Variants in ITPKB observed in about 807,000 individuals in gnomAD.
ITPKB encodes the protein inositol-trisphosphate 3-kinase B, also known as IP3 3-kinase B.
A neutral mutation model predicts 69.4 loss-of-function variants in ITPKB; 13 were observed. That is an observed-to-expected ratio of 0.19 (90% CI 0.12 to 0.30). ITPKB has a LOEUF of 0.30. Ranked by LOEUF, ITPKB falls within the 10% of genes least tolerant of loss-of-function variation. The probability of loss-of-function intolerance (pLI) is 1.00; values close to 1 mark genes in which losing one functional copy is unlikely to be tolerated. For synonymous variants in ITPKB, 584 were observed against 513.7 expected (o/e 1.14, Z -1.85); for missense variants, 1,240 against 1,250.5 (o/e 0.99, Z 0.13).
intron 2 of ITPKB, among the ~76,000 whole-genome samples, chr1:226,679,162 T>TA (rs143101900): frequency 0.036 from 5,471 of 152,316 alleles, 332 homozygotes; most frequent in African/African-American, 0.13. Flanking sequence ...TGACAGCGTC[T>TA]ATTCAGAATT....
intron 2 of ITPKB, among the ~76,000 whole-genome samples, chr1:226,667,029 T>G (rs1218791184): frequency 6.6e-6 from 1 of 152,214 alleles, no homozygotes; most frequent in Non-Finnish European, 1.5e-5. Flanking sequence ...ACCCTTCCCC[T>G]AACCTACCGA....
intron 2 of ITPKB, among the ~76,000 whole-genome samples, chr1:226,724,728 G>A (rs150579851): frequency 1.3e-5 from 2 of 152,274 alleles, no homozygotes; most frequent in East Asian, 1.9e-4. Flanking sequence ...ACTCTATAAC[G>A]TGTACTAAGC....
At chr1:226,671,697 C>T (rs1669621424) in intron 2 of ITPKB, among the ~76,000 whole-genome samples, 1 of 152,090 alleles carries the variant, frequency 6.6e-6, no homozygotes, top group Non-Finnish European at 1.5e-5. Flanking sequence ...GCTTAGTTGG[C>T]CATGGTCTTT....
chr1:226,720,339 A>C (rs1162203982), intron 2 of ITPKB, among the ~76,000 whole-genome samples: 1 of 152,154 alleles, frequency 6.6e-6, no homozygotes, highest in Non-Finnish European at 1.5e-5. Context: ...CATTCAGTTC[A>C]GTTAGTCCCC....
At position 226,631,700 on chromosome 1, in the gene ITPKB, G is replaced by A. The variant is rs1185067459; in HGVS notation, c.*2971C>T. The A allele has an allele frequency of 6.5e-5, 10 of 152,716 alleles. No individual in the cohort carries two copies. Among genetic ancestry groups the A allele is most frequent in the Admixed American group, 6.5e-4 (10 of 15,280 alleles). 9.5% of individuals were successfully genotyped at this position (152,716 alleles called of 1,614,324 possible). ...CACCACAGACAGCGCTGGTCTCCAA[G>A]GCTTTATTCAGGAAGGTTTGCATCT... On this transcript the variant is annotated 3_prime_UTR_variant, in exon 8 of 8. Coordinates refer to ENST00000429204, the MANE Select transcript of ITPKB (RefSeq NM_002221.4).
chr1:226,689,788 A>G lies in ITPKB; in HGVS notation c.1933-41017T>C, dbSNP rs1041184079. The stretch of plus-strand genomic sequence containing the variant: ...CTCCTCCTACCCTCTACCCTTCAAA[A>G]GGCCCCAGTATCTGTTGTTCCCCTC... On this transcript the variant is annotated intron_variant, in intron 2 of 7. Transcript: ENST00000429204. Among the ~76,000 whole-genome samples, 9 of 152,064 alleles carry G rather than the reference A, an allele frequency of 5.9e-5. No homozygotes were observed. The South Asian group carries it at 8.3e-4, about 14-fold the overall frequency.
intron 2 of ITPKB, among the ~76,000 whole-genome samples, chr1:226,693,804 T>G (rs1054845505): frequency 6.6e-6 from 1 of 152,188 alleles, no homozygotes; most frequent in Non-Finnish European, 1.5e-5. Context: ...TATTCCCCTT[T>G]CCTGGATAAC....
intron 2 of ITPKB, chr1:226,657,365 T>C (rs1006545984): frequency 2.6e-5 from 4 of 152,250 alleles, no homozygotes; most frequent in African/African-American, 9.6e-5. Flanking sequence ...TCTTAGCCTC[T>C]TTTTCACCTG....
At chr1:226,692,500 C>A (rs949062179) in intron 2 of ITPKB, among the ~76,000 whole-genome samples, 4 of 152,182 alleles carry the variant, frequency 2.6e-5, no homozygotes, top group African/African-American at 9.6e-5. Flanking sequence ...AGAAAGCATT[C>A]CCATTCTGCA....
At chr1:226,653,404 G>C (rs1014337474) in intron 2 of ITPKB, among the ~76,000 whole-genome samples, 2 of 152,204 alleles carry the variant, frequency 1.3e-5, no homozygotes, top group Admixed American at 6.5e-5. Flanking sequence ...GGTTCCCCTG[G>C]ACAGCCAGGG....
intron 2 of ITPKB, among the ~76,000 whole-genome samples, chr1:226,730,644 A>G (rs976907540): frequency 2.0e-5 from 3 of 152,186 alleles, no homozygotes; most frequent in African/African-American, 7.2e-5. Flanking sequence ...CTGATTATCC[A>G]AAGTCTGTAG....
intron 2 of ITPKB, among the ~76,000 whole-genome samples, chr1:226,689,018 T>C (rs529573853): frequency 2.4e-4 from 37 of 152,264 alleles, no homozygotes; most frequent in African/African-American, 8.9e-4. Context: ...ATTCAGCAGA[T>C]GGTGATCAAC....
intron 2 of ITPKB, among the ~76,000 whole-genome samples, chr1:226,712,392 T>C (rs1656984629): frequency 6.6e-6 from 1 of 152,216 alleles, no homozygotes; most frequent in Non-Finnish European, 1.5e-5. Context: ...TGGGTGTTCA[T>C]AGCTACTCCA....
In ITPKB at chr1:226,735,897, G is replaced by A. The variant is rs751749592; in HGVS notation, c.1562C>T (p.Thr521Met). ...GTMEKAGLAW[T>M]RGTGVQSEGT... Reference sequence around the variant, plus strand: ...CTCTGATTGCACCCCTGTGCCACGCGTCCAAGCCAAACCGGCTTTCTCCAT... The same window carrying A: ...CTCTGATTGCACCCCTGTGCCACGCATCCAAGCCAAACCGGCTTTCTCCAT... Residue 521 changes from threonine to methionine, a missense_variant, in exon 2 of 8, where the codon ACG becomes ATG. By Grantham distance (81) the Thr-to-Met change is moderately conservative. Transcript: ENST00000429204. 1.1e-5 allele frequency: 17 copies of A among 1,613,210 alleles called. No individual in the cohort carries two copies. Among genetic ancestry groups the A allele is most frequent in the East Asian group, 2.2e-5 (1 of 44,864 alleles).
rs1669271965 is a variant in ITPKB at position 226,655,501 on chromosome 1, G to A, written c.1933-6730C>T. On this transcript the variant is annotated intron_variant, in intron 2 of 7. Coordinates refer to ENST00000429204, the MANE Select transcript of ITPKB (RefSeq NM_002221.4). Reference sequence around the variant, plus strand: ...GGGCTCAAGGCCACCGGCACCTGTGGCTCTCTTTTTGGGGCTCAGAGAAGT... The same window carrying A: ...GGGCTCAAGGCCACCGGCACCTGTGACTCTCTTTTTGGGGCTCAGAGAAGT... 2.0e-5 allele frequency among the ~76,000 whole-genome samples: 3 copies of A among 152,242 alleles called. 1 individual carries two copies. Among genetic ancestry groups the A allele is most frequent in the Admixed American group, 2.0e-4 (3 of 15,292 alleles).
intron 2 of ITPKB, among the ~76,000 whole-genome samples, chr1:226,703,892 T>A (rs1656740731): frequency 6.6e-6 from 1 of 152,186 alleles, no homozygotes. Context: ...GGCTCCCAAA[T>A]CCTGTCTTTC....
intron 2 of ITPKB, among the ~76,000 whole-genome samples, chr1:226,651,040 G>C (rs114965418): frequency 0.023 from 3,515 of 152,332 alleles, 155 homozygotes; most frequent in African/African-American, 0.081. Context: ...CATGGAGGAA[G>C]GGTCCCAGGA....
intron 2 of ITPKB, chr1:226,659,614 C>G (rs1025444018): frequency 3.9e-5 from 6 of 152,200 alleles, no homozygotes; most frequent in African/African-American, 1.4e-4. Context: ...TCAGGCCACT[C>G]TAGCCCCACG....
intron 2 of ITPKB, 90 bp downstream of exon 2, chr1:226,735,437 T>C (rs1425827010): frequency 2.2e-6 from 3 of 1,358,848 alleles, no homozygotes; most frequent in Non-Finnish European, 2.9e-6. Flanking sequence ...TTCATGACTG[T>C]GTAGAAAGTT....
Sources: gnomAD v4.1 joint callset for allele counts (sites outside exome capture counted in the v4.1 genomes callset) on GRCh38, gnomAD v4.1.1 for gene constraint, MANE v1.5 for transcripts, NCBI Gene and HGNC (gene_info 2026-07-23, HGNC 2026-07-21) for gene names.